Variants in VWA5B1 observed in about 807,000 individuals in gnomAD.
VWA5B1 encodes von Willebrand factor A domain-containing protein 5B1.
VWA5B1 carries 115 observed loss-of-function variants against 118.2 expected under a neutral mutation model. The observed-to-expected ratio is 0.97, with a 90% CI of 0.84 to 1.14. VWA5B1 has a LOEUF of 1.14. Among genes scored for constraint, VWA5B1 ranks in the 50% most tolerant of loss-of-function variants. The pLI, the probability that VWA5B1 is intolerant of heterozygous loss-of-function variation, is 0.00. For synonymous variants in VWA5B1, 682 were observed against 658.4 expected (o/e 1.04, Z -0.55); for missense variants, 1,596 against 1,603.8 (o/e 1.00, Z 0.08).
In VWA5B1 at chr1:20,337,821, G is replaced by A; in HGVS notation, c.2118G>A (p.Trp706Ter). 2 of 1,551,772 alleles carry A rather than the reference G, an allele frequency of 1.3e-6. No individual in the cohort carries two copies. Among genetic ancestry groups the A allele is most frequent in the South Asian group, 1.2e-5 (1 of 84,052 alleles). Residue 706 changes from tryptophan (W) to a stop codon, truncating the protein, a stop_gained, in exon 14 of 22, where the codon TGG becomes TGA. Transcript: ENST00000289815. LOFTEE classifies it high-confidence loss of function. ...AGACCAGCCTGGATGTCCAGCGGTGGCAGATTGATTTGCAGGTACCCAAGC... is the reference window on the plus strand; with the variant it reads ...AGACCAGCCTGGATGTCCAGCGGTGACAGATTGATTTGCAGGTACCCAAGC... ...TNQTSLDVQR[W>*]QIDLQPLLNS...
intron 9 of VWA5B1, among the ~76,000 whole-genome samples, chr1:20,328,633 A>G (rs952569154): frequency 6.6e-6 from 1 of 152,196 alleles, no homozygotes; most frequent in African/African-American, 2.4e-5. Flanking sequence ...CAAGAATAAT[A>G]TATGTTGCAT....
At chr1:20,347,431 C>A (rs1297301427) in intron 17 of VWA5B1, among the ~76,000 whole-genome samples, 1 of 150,472 alleles carries the variant, frequency 6.6e-6, no homozygotes, top group South Asian at 2.1e-4. Flanking sequence ...GCTATAACTT[C>A]TTTCTTCTTC....
At position 20,341,441 on chromosome 1, in the gene VWA5B1, C is replaced by G. The variant is rs536206674; in HGVS notation, c.2134-991C>G. 2.2e-4 allele frequency among the ~76,000 whole-genome samples: 33 copies of G among 150,914 alleles called. 1 individual carries two copies. Among genetic ancestry groups the G allele is most frequent in the African/African-American group, 8.2e-4 (33 of 40,300 alleles). ...TAGCACTGACAGTCCATGACAGACT[C>G]TGTCTTTCCATTGACCACAGGGGTG... On this transcript the variant is annotated intron_variant, in intron 14 of 21. Coordinates refer to ENST00000289815, the MANE Select transcript of VWA5B1 (RefSeq NM_001039500.3).
rs1164852148 is a variant in VWA5B1, at chr1:20,353,696, G to A, written c.3142-61G>A. The A allele has an allele frequency of 6.3e-6, 9 of 1,433,526 alleles. No individual in the cohort carries two copies. The Admixed American group carries it at 2.1e-4, about 33-fold the overall frequency. 88.8% of individuals were successfully genotyped at this position (1,433,526 alleles called of 1,614,324 possible). On this transcript the variant is annotated intron_variant, in intron 21 of 21. Coordinates refer to ENST00000289815, the MANE Select transcript of VWA5B1 (RefSeq NM_001039500.3). ...GCAACATGGATCCAGACTTTTGCAT[G>A]GCCTATGGCTCCCTGGGCTAAAACA...
chr1:20,350,901 G>A lies in VWA5B1; in HGVS notation c.2998G>A (p.Ala1000Thr). 6.4e-7 allele frequency: 1 copy of A among 1,551,950 alleles called. No homozygotes were observed. Among genetic ancestry groups the A allele is most frequent in the Non-Finnish European group, 8.7e-7 (1 of 1,147,044 alleles). ...LATNTLSSMK[A>T]SENLFGSWLN... ...TACAAATACTCTTTCTTCCATGAAG[G>A]CCTCAGAGAATCTCTTTGGATCCTG... The change falls in exon 20 of 22, where the codon GCC becomes ACC. Residue 1000 changes from alanine to threonine, a missense_variant. By Grantham distance (58) the Ala-to-Thr change is moderately conservative (BLOSUM62 0). Transcript: ENST00000289815.
At chr1:20,298,304 G>A (rs2088445229) in intron 1 of VWA5B1, among the ~76,000 whole-genome samples, 1 of 152,022 alleles carries the variant, frequency 6.6e-6, no homozygotes, top group Non-Finnish European at 1.5e-5. Context: ...ACCCTGCCCA[G>A]TCTCAGTGGT....
At chr1:20,292,767 G>A (rs2088336020) in intron 1 of VWA5B1, among the ~76,000 whole-genome samples, 1 of 152,328 alleles carries the variant, frequency 6.6e-6, no homozygotes, top group East Asian at 1.9e-4. Context: ...GCCTTGGCTG[G>A]CATCTGTCTG....
chr1:20,291,702 G>A (rs1019384752), intron 1 of VWA5B1, among the ~76,000 whole-genome samples: 1 of 152,046 alleles, frequency 6.6e-6, no homozygotes, highest in Non-Finnish European at 1.5e-5. Context: ...CGGATGCCCC[G>A]CAGCTTGTGA....
chr1:20,346,576 T>C (rs965499740), intron 17 of VWA5B1, among the ~76,000 whole-genome samples: 2 of 152,272 alleles, frequency 1.3e-5, no homozygotes, highest in East Asian at 3.8e-4. Flanking sequence ...AAAATTGTGA[T>C]GTATGTTACC....
intron 18 of VWA5B1, chr1:20,348,958 C>T (rs562461826): frequency 4.4e-6 from 1 of 229,624 alleles, no homozygotes; most frequent in East Asian, 1.0e-4. Flanking sequence ...CTAACTGCTG[C>T]ACTCATCCTA....
At chr1:20,310,306 G>A (rs561308459) in intron 1 of VWA5B1, among the ~76,000 whole-genome samples, 7 of 152,266 alleles carry the variant, frequency 4.6e-5, no homozygotes, top group South Asian at 4.1e-4. Flanking sequence ...CTGACTGTGC[G>A]CCAACGCTTT....
At chr1:20,302,905 G>A (rs114103694) in intron 1 of VWA5B1, among the ~76,000 whole-genome samples, 125 of 152,304 alleles carry the variant, frequency 8.2e-4, no homozygotes, top group African/African-American at 2.7e-3. Flanking sequence ...ACTGGCTGGA[G>A]CATGGGGTAA....
chr1:20,346,455 G>GTAAATT (rs2090010427), intron 17 of VWA5B1, among the ~76,000 whole-genome samples: 1 of 152,110 alleles, frequency 6.6e-6, no homozygotes, highest in Admixed American at 6.5e-5. Flanking sequence ...TTCCCCATTT[G>GTAAATT]GTTATTGTAA....
intron 8 of VWA5B1, 144 bp from the exon 9 acceptor site, chr1:20,327,746 A>C: frequency 1.4e-6 from 1 of 703,906 alleles, no homozygotes; most frequent in Non-Finnish European, 2.4e-6. Context: ...GATGTGAGGG[A>C]AAAGGAGTTG....
At chr1:20,305,727 T>A (rs1005588867) in intron 1 of VWA5B1, among the ~76,000 whole-genome samples, 2 of 151,934 alleles carry the variant, frequency 1.3e-5, no homozygotes, top group Non-Finnish European at 2.9e-5. Flanking sequence ...CCCCCATGGT[T>A]TGATGGCCTG....
At chr1:20,323,051 A>G (rs74337858) in intron 7 of VWA5B1, 4,392 of 224,404 alleles carry the variant, frequency 0.02, 170 homozygotes, top group African/African-American at 0.091. Flanking sequence ...AGAAGCGGAC[A>G]TTATTCGCCC....
chr1:20,330,188 G>A lies in VWA5B1; in HGVS notation c.1263G>A (p.Leu421=). ...PSSQTYSEDS[L]AMACDDIQRM... ...TGTCTGCTTCTCTGCAGGACAGCTT[G>A]GCCATGGCTTGTGATGACATCCAGA... Residue 421 remains leucine (L), a synonymous_variant, in exon 10 of 22, where the codon TTG becomes TTA. Transcript: ENST00000289815. The A allele has an allele frequency of 6.4e-7, 1 of 1,551,740 alleles. No homozygotes were observed. Among genetic ancestry groups the A allele is most frequent in the East Asian group, 2.4e-5 (1 of 40,916 alleles).
chr1:20,347,177 A>G (rs1266075696), intron 17 of VWA5B1, among the ~76,000 whole-genome samples: 2 of 152,248 alleles, frequency 1.3e-5, no homozygotes, highest in Non-Finnish European at 2.9e-5. Context: ...CAGCATAAAA[A>G]TAGAAAATAC....
rs1395238640 is a variant in VWA5B1 at position 20,356,616 on chromosome 1, C to T, written c.*2353C>T. Among the ~76,000 whole-genome samples, 3 of 152,182 alleles carry T rather than the reference C, an allele frequency of 2.0e-5. No individual in the cohort carries two copies. Among genetic ancestry groups the T allele is most frequent in the Non-Finnish European group, 4.4e-5 (3 of 68,032 alleles). The stretch of plus-strand genomic sequence containing the variant: ...TAGCAGGAGCAACCAAGAAATCCAG[C>T]AAGGTGGTGGGCATGCCACCCACTT... On this transcript the variant is annotated 3_prime_UTR_variant, in exon 22 of 22. Coordinates refer to ENST00000289815, the MANE Select transcript of VWA5B1 (RefSeq NM_001039500.3).
Sources: gnomAD v4.1 joint callset for allele counts (sites outside exome capture counted in the v4.1 genomes callset) on GRCh38, gnomAD v4.1.1 for gene constraint, MANE v1.5 for transcripts, NCBI Gene and HGNC (gene_info 2026-07-23, HGNC 2026-07-21) for gene names.